SMARCA2: variants seen among roughly 807,000 people sequenced by gnomAD.
SMARCA2 encodes SWI/SNF-related matrix-associated actin-dependent regulator of chromatin subfamily A member 2.
In SMARCA2, 61 loss-of-function variants were observed where a neutral mutation model predicts 199.8. The ratio of observed to expected loss-of-function variants is 0.31; its 90% CI spans 0.25 to 0.38. The LOEUF is 0.38. SMARCA2 is among the 10% of genes least tolerant of loss of function. The pLI is 1.00. For synonymous variants in SMARCA2, 935 were observed against 732.0 expected (o/e 1.28, Z -4.48); for missense variants, 1,344 against 2,012.2 (o/e 0.67, Z 6.35).
At position 2,087,450 on chromosome 9, in the gene SMARCA2, C is replaced by T. The variant is rs184103219; in HGVS notation, c.2769+379C>T. 3.4e-4 allele frequency: 59 copies of T among 171,354 alleles called. 1 individual carries two copies. In the South Asian group the frequency reaches 8.8e-3, roughly 25 times the overall value. The allele number at this position is 171,354 out of a possible 1,614,324, so 10.6% of individuals were successfully genotyped here. A position where few individuals can be genotyped will look rare whatever the true frequency, so the allele number is the denominator to read the frequency against. ...AAATACAAGCTTTAAACAAATCTTT[C>T]CTTGTTACAAACTTGGAGTTCCCTT... On this transcript the variant is annotated intron_variant, in intron 18 of 33. Transcript: ENST00000349721.
chr9:2,184,546 G>A (rs575125469), intron 31 of SMARCA2, among the ~76,000 whole-genome samples: 1 of 151,644 alleles, frequency 6.6e-6, no homozygotes, highest in East Asian at 1.9e-4. Context: ...GTAGAGATGG[G>A]GTTTCACCAT....
intron 27 of SMARCA2, among the ~76,000 whole-genome samples, chr9:2,147,096 G>C (rs1395012810): frequency 6.6e-6 from 1 of 152,086 alleles, no homozygotes; most frequent in Non-Finnish European, 1.5e-5. Context: ...GATAGACTGA[G>C]GAGAATTTAA....
At chr9:2,077,938 A>G (rs1160883543) in intron 14 of SMARCA2, among the ~76,000 whole-genome samples, 162 bp downstream of exon 14, 1 of 152,148 alleles carries the variant, frequency 6.6e-6, no homozygotes, top group Non-Finnish European at 1.5e-5. Flanking sequence ...TTCTTCTTTT[A>G]GAGTACTCCA....
At chr9:2,111,256 G>A (rs1014996997) in intron 24 of SMARCA2, among the ~76,000 whole-genome samples, 1 of 151,900 alleles carries the variant, frequency 6.6e-6, no homozygotes, top group Non-Finnish European at 1.5e-5. Flanking sequence ...GGAGGTTGAG[G>A]CAGGAGGATT....
At chr9:2,187,075 A>C (rs934965124) in intron 32 of SMARCA2, among the ~76,000 whole-genome samples, 6 of 152,194 alleles carry the variant, frequency 3.9e-5, no homozygotes, top group African/African-American at 1.4e-4. Context: ...AGCTTTAGAA[A>C]ATAATTGTCA....
intron 2 of SMARCA2, among the ~76,000 whole-genome samples, chr9:2,031,275 C>T (rs985956542): frequency 2.0e-5 from 3 of 152,108 alleles, no homozygotes; most frequent in African/African-American, 7.2e-5. Context: ...TAAAGCTGCT[C>T]GTTTTCCATG....
chr9:2,018,438 G>C lies in SMARCA2; in HGVS notation c.-37+3034G>C, dbSNP rs562831414. 1.9e-4 allele frequency among the ~76,000 whole-genome samples: 29 copies of C among 152,282 alleles called. 1 individual carries two copies. In the East Asian group the frequency reaches 5.6e-3, roughly 29 times the overall value. ...ACCTGGGCTAGTAATCTTTTGGAGAGGTGTCATCATTGTCTCCTTTCTGGT... is the reference window on the plus strand; with the variant it reads ...ACCTGGGCTAGTAATCTTTTGGAGACGTGTCATCATTGTCTCCTTTCTGGT... On this transcript the variant is annotated intron_variant, in intron 1 of 33. Transcript: ENST00000349721.
chr9:2,065,626 A>C (rs1820805887), intron 9 of SMARCA2, among the ~76,000 whole-genome samples: 1 of 152,226 alleles, frequency 6.6e-6, no homozygotes, highest in Admixed American at 6.5e-5. Context: ...AGTTTTCAGT[A>C]AAAAGAGCTT....
At chr9:2,146,688 G>T (rs1016930104) in intron 27 of SMARCA2, among the ~76,000 whole-genome samples, 1 of 152,220 alleles carries the variant, frequency 6.6e-6, no homozygotes, top group African/African-American at 2.4e-5. Context: ...GCCCATTTTT[G>T]TGGTGGTTTT....
chr9:2,107,596 G>T (rs1822813411), intron 23 of SMARCA2, among the ~76,000 whole-genome samples: 1 of 152,136 alleles, frequency 6.6e-6, no homozygotes, highest in Non-Finnish European at 1.5e-5. Context: ...GGGATTACAG[G>T]TGTGAGCCAC....
chr9:2,096,962 A>G (rs768947078), intron 20 of SMARCA2, among the ~76,000 whole-genome samples, 198 bp downstream of exon 20: 19 of 152,242 alleles, frequency 1.2e-4, no homozygotes, highest in Non-Finnish European at 1.9e-4. Context: ...AAGAAGGAAT[A>G]TGTTCATATT....
intron 20 of SMARCA2, 147 bp from the exon 21 acceptor site, chr9:2,097,238 T>C: frequency 1.8e-6 from 1 of 562,180 alleles, no homozygotes; most frequent in Non-Finnish European, 3.2e-6. Context: ...TGCTATATAA[T>C]TAAAGAAGCT....
Position 2,029,001 on chromosome 9 carries a change from C to T in SMARCA2, c.-22C>T. On this transcript the variant is annotated 5_prime_UTR_variant, in exon 2 of 34. Transcript: ENST00000349721. ...TTTCAACTTAGCATTACTCTACTGA[C>T]TGGCAGAGACAGGAGAGGTAGATGT... is the stretch of plus-strand genomic sequence containing the variant. The T allele has an allele frequency of 6.5e-7, 1 of 1,547,056 alleles. No individual in the cohort carries two copies. The highest frequency in any genetic ancestry group is 1.2e-5 in the South Asian group (1 of 83,824).
At chr9:2,177,644 C>T (rs186050068) in intron 29 of SMARCA2, among the ~76,000 whole-genome samples, 119 of 152,252 alleles carry the variant, frequency 7.8e-4, no homozygotes, top group African/African-American at 2.8e-3. Flanking sequence ...CCTCCGCCTC[C>T]TGGGTTCAAG....
rs146424712 is a variant in SMARCA2, at chr9:2,169,751, C to G, written c.4200-668C>G. On this transcript the variant is annotated intron_variant, in intron 28 of 33. Coordinates refer to ENST00000349721, the MANE Select transcript of SMARCA2 (RefSeq NM_003070.5). The surrounding 1 kb of genome is among the most constrained non-coding windows in gnomAD (Gnocchi z 6.5). Reference sequence around the variant, plus strand: ...TTCCCTGCCACCACAAAAAGGGACACCAACCTAGCAGTTTCAAAAATCCTC... The same window carrying G: ...TTCCCTGCCACCACAAAAAGGGACAGCAACCTAGCAGTTTCAAAAATCCTC... Among the ~76,000 whole-genome samples the G allele has an allele frequency of 0.019, 2,859 of 152,264 alleles. 43 individuals are homozygous for G. Among genetic ancestry groups the G allele is most frequent in the Middle Eastern group, 0.034 (10 of 294 alleles).
chr9:2,062,397 C>T lies in SMARCA2; in HGVS notation c.1692+1411C>T, dbSNP rs537568022. Among the ~76,000 whole-genome samples the T allele has an allele frequency of 3.3e-5, 5 of 152,130 alleles. No homozygotes were observed. In the South Asian group the frequency reaches 1.0e-3, roughly 31 times the overall value. ...TTAGTATTAAAATTTTTGTATTTTA[C>T]ATTTCTTTGTGATTAAAAGCTAATG... On this transcript the variant is annotated intron_variant, in intron 9 of 33. Transcript: ENST00000349721.
chr9:2,084,494 G>A (rs1338994740), intron 17 of SMARCA2, among the ~76,000 whole-genome samples: 1 of 151,096 alleles, frequency 6.6e-6, no homozygotes, highest in Non-Finnish European at 1.5e-5. Context: ...AAATTCACCT[G>A]GTTGCTTCTG....
chr9:2,155,967 A>T (rs950999610), intron 27 of SMARCA2, among the ~76,000 whole-genome samples: 1 of 152,086 alleles, frequency 6.6e-6, no homozygotes. Flanking sequence ...TCATCAGTTT[A>T]TTGAACCACA....
chr9:2,062,551 T>C (rs1820644370), intron 9 of SMARCA2, among the ~76,000 whole-genome samples: 1 of 152,234 alleles, frequency 6.6e-6, no homozygotes, highest in African/African-American at 2.4e-5. Flanking sequence ...TGTGTTCATC[T>C]GTACAGAACA....
Sources: allele counts gnomAD v4.1 joint callset (sites outside exome capture counted in the v4.1 genomes callset), GRCh38; gene constraint gnomAD v4.1.1; non-coding constraint Gnocchi (gnomAD v3.1); transcripts MANE v1.5; gene names NCBI Gene and HGNC (gene_info 2026-07-23, HGNC 2026-07-21).